Variants in KIFC3 observed in about 807,000 individuals in gnomAD.
KIFC3 encodes kinesin family member C3, also known as kinesin-like protein KIFC3.
In KIFC3, 60 loss-of-function variants were observed where a neutral mutation model predicts 101.8. That is an observed-to-expected ratio of 0.59 (90% CI 0.48 to 0.73). The LOEUF (loss-of-function observed/expected upper bound fraction) is 0.73, where lower values mean the gene tolerates loss of function less well. Among genes scored for constraint, KIFC3 ranks in the 30% least tolerant of loss-of-function variants. KIFC3 has a pLI of 0.00. For synonymous variants in KIFC3, 476 were observed against 482.7 expected, an observed-to-expected ratio of 0.99 and a Z score of 0.18; for missense variants, 966 against 1,137.1, an observed-to-expected ratio of 0.85 and a Z score of 2.16.
intron 3 of KIFC3, chr16:57,781,804 C>T: frequency 3.3e-6 from 1 of 300,796 alleles, no homozygotes; most frequent in Non-Finnish European, 4.9e-6. Flanking sequence ...AAAAACTGAG[C>T]TCCTAAGAGG....
intron 16 of KIFC3, 66 bp from the exon 17 acceptor site, chr16:57,760,482 A>G (rs1555595297): frequency 1.1e-5 from 18 of 1,567,022 alleles, no homozygotes; most frequent in Non-Finnish European, 1.6e-5. Context: ...CACGAGAGGG[A>G]GCTCACAGCT....
intron 1 of KIFC3, among the ~76,000 whole-genome samples, chr16:57,826,356 G>GT (rs1481799367): frequency 6.6e-6 from 1 of 152,172 alleles, no homozygotes; most frequent in Non-Finnish European, 1.5e-5. Context: ...AGGTAATCGA[G>GT]TTATTTCTAG....
chr16:57,774,705 T>TA (rs1482211258), intron 3 of KIFC3: 4 of 363,234 alleles, frequency 1.1e-5, no homozygotes, highest in South Asian at 1.2e-4. Context: ...TTTTTTTTTT[T>TA]AATGTATAGA....
chr16:57,843,058 A>T (rs2055844838), intron 1 of KIFC3, among the ~76,000 whole-genome samples: 1 of 151,258 alleles, frequency 6.6e-6, no homozygotes, highest in East Asian at 2.0e-4. Flanking sequence ...GTTTGAACCC[A>T]GGAGGCAGAG....
At chr16:57,815,781 C>A in intron 1 of KIFC3, 1 of 586,180 alleles carries the variant, frequency 1.7e-6, no homozygotes, top group Non-Finnish European at 2.7e-6. Context: ...TTGGGATCAC[C>A]AACTTCTTCT....
intron 1 of KIFC3, among the ~76,000 whole-genome samples, chr16:57,858,308 G>C (rs2056222799): frequency 6.6e-6 from 1 of 152,154 alleles, no homozygotes; most frequent in African/African-American, 2.4e-5. Context: ...CCCGGGCGCA[G>C]AGCACTTCGC....
At chr16:57,855,701 T>C (rs371332969) in intron 1 of KIFC3, among the ~76,000 whole-genome samples, 19 of 151,948 alleles carry the variant, frequency 1.3e-4, no homozygotes, top group African/African-American at 4.6e-4. Flanking sequence ...ATCTCAGCCC[T>C]GTGGGAGACC....
chr16:57,766,549 G>A (rs190881074), intron 10 of KIFC3, among the ~76,000 whole-genome samples: 326 of 152,252 alleles, frequency 2.1e-3, no homozygotes, highest in African/African-American at 7.6e-3. Flanking sequence ...CCAGGCCCCA[G>A]GTCAGAATAA....
At chr16:57,822,621 C>T (rs919203612) in intron 1 of KIFC3, among the ~76,000 whole-genome samples, 18 of 151,806 alleles carry the variant, frequency 1.2e-4, no homozygotes, top group African/African-American at 4.4e-4. Context: ...GGCTTGAACC[C>T]AGGAGGTGGA....
At chr16:57,806,726 C>T (rs544628491), upstream of KIFC3, among the ~76,000 whole-genome samples, 32 of 152,328 alleles carry the variant, frequency 2.1e-4, no homozygotes, top group Non-Finnish European at 3.8e-4. Flanking sequence ...TCCATGTGGT[C>T]AGGAAGGAGT....
chr16:57,781,031 G>GT (rs1391625934), intron 3 of KIFC3, among the ~76,000 whole-genome samples: 10 of 151,970 alleles, frequency 6.6e-5, no homozygotes, highest in Admixed American at 1.3e-4. Flanking sequence ...AGGGAGTGCC[G>GT]TGAGTGCCGG....
intron 3 of KIFC3, chr16:57,788,644 G>C: frequency 7.8e-7 from 1 of 1,289,630 alleles, no homozygotes; most frequent in Non-Finnish European, 1.0e-6. Flanking sequence ...GCCGGCGCCT[G>C]TCTCTTCCAA....
intron 1 of KIFC3, among the ~76,000 whole-genome samples, chr16:57,851,648 C>T (rs1240370996): frequency 6.6e-6 from 1 of 151,516 alleles, no homozygotes; most frequent in Non-Finnish European, 1.5e-5. Context: ...CTCACTGCAA[C>T]CTCCGCCTTC....
At chr16:57,791,924 A>G (rs1200922048) in intron 3 of KIFC3, among the ~76,000 whole-genome samples, 1 of 152,256 alleles carries the variant, frequency 6.6e-6, no homozygotes, top group African/African-American at 2.4e-5. Flanking sequence ...CATAAGAAGG[A>G]ACAAGAAACA....
chr16:57,768,204 G>A (rs373544207), intron 9 of KIFC3, among the ~76,000 whole-genome samples: 2 of 152,094 alleles, frequency 1.3e-5, no homozygotes, highest in Non-Finnish European at 1.5e-5. Context: ...AAACTAGCCC[G>A]GCATGGTGGC....
chr16:57,798,317 C>G lies in KIFC3; in HGVS notation c.-39-35G>C, dbSNP rs1380443284. On this transcript the variant is annotated intron_variant, in intron 1 of 19. Transcript: ENST00000445690. ...GAACAAGGGGAGATAAGCTTGAAGA[C>G]CGTGGACCAGCACAACTGCACCTCG... The G allele has an allele frequency of 2.0e-6, 3 of 1,525,334 alleles. No homozygotes were observed. In the Admixed American group the frequency reaches 5.9e-5, roughly 30 times the overall value. 94.5% of individuals were successfully genotyped at this position (1,525,334 alleles called of 1,614,324 possible).
rs190119478 is a variant in KIFC3 at position 57,773,286 on chromosome 16, G to A, written c.316-998C>T. 2.8e-3 allele frequency among the ~76,000 whole-genome samples: 425 copies of A among 152,280 alleles called. 1 individual carries two copies. Among genetic ancestry groups the A allele is most frequent in the Non-Finnish European group, 4.7e-3 (320 of 68,020 alleles). ...TCATTACTAAATGATAGGCAACAACGTCCACTGATTACAGGGGACAGCCAG... is the reference window on the plus strand; with the variant it reads ...TCATTACTAAATGATAGGCAACAACATCCACTGATTACAGGGGACAGCCAG... On this transcript the variant is annotated intron_variant, in intron 3 of 19. Transcript: ENST00000445690.
Position 57,762,070 on chromosome 16 carries a change from G to A in KIFC3, c.1748+70C>T, listed in dbSNP as rs148718198. ...ACTGGGGGTCCCACCTGAGGACCTC[G>A]TTCCAGCACCACCCCGGAGGACCCC... On this transcript the variant is annotated intron_variant, in intron 13 of 19. Coordinates refer to ENST00000445690, the MANE Select transcript of KIFC3 (RefSeq NM_001130100.2). The A allele has an allele frequency of 5.2e-5, 77 of 1,489,568 alleles. No homozygotes were observed. The Admixed American group carries it at 7.1e-4, about 14-fold the overall frequency. 92.3% of individuals were successfully genotyped at this position (1,489,568 alleles called of 1,614,324 possible).
chr16:57,787,611 G>A (rs917123810), intron 3 of KIFC3, among the ~76,000 whole-genome samples: 7 of 152,202 alleles, frequency 4.6e-5, no homozygotes, highest in Non-Finnish European at 7.4e-5. Flanking sequence ...TCAAAGATGC[G>A]ATGCAGGCGT....
Sources: allele counts gnomAD v4.1 joint callset (sites outside exome capture counted in the v4.1 genomes callset), GRCh38; gene constraint gnomAD v4.1.1; transcripts MANE v1.5; gene names NCBI Gene and HGNC (gene_info 2026-07-23, HGNC 2026-07-21).